MIA3: variants seen among roughly 807,000 people sequenced by gnomAD.
MIA3 encodes the protein MIA SH3 domain ER export factor 3.
MIA3 carries 90 observed loss-of-function variants against 192.4 expected under a neutral mutation model. The observed-to-expected ratio is 0.47, with a 90% CI of 0.39 to 0.56. The LOEUF (loss-of-function observed/expected upper bound fraction) is 0.56, where lower values mean the gene tolerates loss of function less well. Among genes scored for constraint, MIA3 ranks in the 20% least tolerant of loss-of-function variants. The probability of loss-of-function intolerance (pLI) is 0.00; values close to 1 mark genes in which losing one functional copy is unlikely to be tolerated. For synonymous variants in MIA3, 740 were observed against 792.8 expected, an observed-to-expected ratio of 0.93 and a Z score of 1.12; for missense variants, 2,123 against 2,269.4, an observed-to-expected ratio of 0.94 and a Z score of 1.31.
In MIA3 at chr1:222,664,209, C is replaced by G. The variant is rs567253201; in HGVS notation, c.5413+61C>G. On this transcript the variant is annotated intron_variant, in intron 27 of 27. Transcript: ENST00000344922. ...AGCACATTCATCTTCTCCATCTATC[C>G]CTTGCTAAAACAACTGCAATTGCGG... 198 of 1,570,202 alleles carry G rather than the reference C, an allele frequency of 1.3e-4. 1 individual carries two copies. The highest frequency in any genetic ancestry group is 8.1e-5 in the Non-Finnish European group (93 of 1,142,018).
Position 222,629,457 on chromosome 1 carries a change from A to G in MIA3, c.2237A>G (p.Asn746Ser), listed in dbSNP as rs767277066. The change falls in exon 4 of 28, where the codon AAC (asparagine) becomes AGC (serine). Residue 746 changes from asparagine (N) to serine (S), a missense_variant. Coordinates refer to ENST00000344922, the MANE Select transcript of MIA3 (RefSeq NM_198551.4). ...AATGCAAAACGGTCTAAAGAAAAAA[A>G]CCCTGGGAATCAGGGCAGGCAGTTT... ...AINAKRSKEK[N>S]PGNQGRQFDV... 9 of 1,614,048 alleles carry G rather than the reference A, an allele frequency of 5.6e-6. No individual in the cohort carries two copies. In the Admixed American group the frequency reaches 1.2e-4, roughly 21 times the overall value.
rs1662429319 is a variant in MIA3 at position 222,632,229 on chromosome 1, T to G, written c.3234T>G (p.Val1078=). The G allele has an allele frequency of 1.2e-6, 2 of 1,614,054 alleles. No individual in the cohort carries two copies. The highest frequency in any genetic ancestry group is 1.7e-6 in the Non-Finnish European group (2 of 1,180,024). ...REKTAELNVQ[V]PEEPTHLDQR... is the part of the protein sequence containing the mutation. ...AGACAGCAGAACTTAATGTGCAGGT[T>G]CCTGAAGAACCCACCCACTTGGACC... Residue 1078 remains valine (V), a synonymous_variant, in exon 5 of 28, where the codon GTT becomes GTG. Transcript: ENST00000344922.
chr1:222,634,485 T>C (rs1045968339), intron 6 of MIA3, among the ~76,000 whole-genome samples: 8 of 152,194 alleles, frequency 5.3e-5, no homozygotes, highest in African/African-American at 1.9e-4. Flanking sequence ...CAGGTCTGTT[T>C]CTTAGAAAGA....
rs1663542580 is a variant in MIA3 at position 222,653,335 on chromosome 1, G to A, written c.4317G>A (p.Val1439=). Residue 1439 remains valine, a synonymous_variant, in exon 15 of 28, where the codon GTG becomes GTA. Coordinates refer to ENST00000344922, the MANE Select transcript of MIA3 (RefSeq NM_198551.4). The part of the protein sequence containing the change: ...NDSDELANGE[V]GGDRNEKMKN... ...CAGATGAATTAGCAAATGGAGAAGTGGGAGGTAAGATCAGCCTCAAGGAGG... is the reference window on the plus strand; with the variant it reads ...CAGATGAATTAGCAAATGGAGAAGTAGGAGGTAAGATCAGCCTCAAGGAGG... 6.2e-7 allele frequency: 1 copy of A among 1,610,310 alleles called. No homozygotes were observed. Among genetic ancestry groups the A allele is most frequent in the Non-Finnish European group, 8.5e-7 (1 of 1,176,894 alleles).
At position 222,653,303 on chromosome 1, in the gene MIA3, A is replaced by G. The variant is rs1297774039; in HGVS notation, c.4285A>G (p.Asn1429Asp). The change falls in exon 15 of 28, where the codon AAT becomes GAT. Residue 1429 changes from asparagine (N) to aspartate (D), a missense_variant. Physicochemically the swap from Asn to Asp is conservative, Grantham distance 23 (BLOSUM62 1). Coordinates refer to ENST00000344922, the MANE Select transcript of MIA3 (RefSeq NM_198551.4). ...ATCTGAGGGTCAAAATAAAGGTGGAAATGATTCAGATGAATTAGCAAATGG... is the reference window on the plus strand; with the variant it reads ...ATCTGAGGGTCAAAATAAAGGTGGAGATGATTCAGATGAATTAGCAAATGG... ...SESEGQNKGGNDSDELANGEV... is the reference protein window; with the variant it reads ...SESEGQNKGGDDSDELANGEV... 1.5e-5 allele frequency: 24 copies of G among 1,613,858 alleles called. No homozygotes were observed. Among genetic ancestry groups the G allele is most frequent in the Non-Finnish European group, 1.9e-5 (23 of 1,179,854 alleles).
intron 18 of MIA3, 78 bp downstream of exon 18, chr1:222,654,871 G>A (rs781184521): frequency 2.9e-5 from 36 of 1,237,720 alleles, no homozygotes; most frequent in African/African-American, 3.0e-5. Flanking sequence ...TAATGTTATC[G>A]TTTTTCAGGA....
intron 11 of MIA3, 109 bp from the exon 12 acceptor site, chr1:222,651,868 G>A: frequency 1.4e-6 from 1 of 725,352 alleles, no homozygotes. Flanking sequence ...CTGAAACATA[G>A]GGGATGGCTC....
chr1:222,633,858 T>G (rs1338807385), intron 6 of MIA3, among the ~76,000 whole-genome samples: 4 of 151,950 alleles, frequency 2.6e-5, no homozygotes, highest in Non-Finnish European at 5.9e-5. Context: ...TTTTTCTTTT[T>G]TTTTTAAATT....
rs1458669014 is a variant in MIA3, at chr1:222,654,394, G to C, written c.4383G>C (p.Gln1461His). The change falls in exon 17 of 28, where the codon CAG becomes CAC. Residue 1461 changes from glutamine (Q) to histidine (H), a missense_variant. This residue lies in a region of MIA3 where 762 missense variants were observed against 856.4 expected (regional missense o/e 0.89). Transcript: ENST00000344922. Reference protein sequence around the residue: ...IKQMMDVSRTQTAISVVEEDL... With the variant: ...IKQMMDVSRTHTAISVVEEDL... ...GTCTCTTCTGCAATTTTTAGACACA[G>C]ACTGCAATATCGGTAGTTGAAGAGG... 3 of 1,613,558 alleles carry C rather than the reference G, an allele frequency of 1.9e-6. No individual in the cohort carries two copies. In the Admixed American group the frequency reaches 5.0e-5, roughly 27 times the overall value.
chr1:222,655,145 A>T (rs994081513), intron 18 of MIA3, among the ~76,000 whole-genome samples: 2 of 152,212 alleles, frequency 1.3e-5, no homozygotes, highest in Non-Finnish European at 2.9e-5. Flanking sequence ...ATTTCCTTTA[A>T]ACAGTCTGAG....
In MIA3 at chr1:222,653,076, G is replaced by A. The variant is rs1342823691; in HGVS notation, c.4155G>A (p.Glu1385=). The A allele has an allele frequency of 1.2e-6, 2 of 1,612,746 alleles. No homozygotes were observed. The highest frequency in any genetic ancestry group is 1.7e-6 in the Non-Finnish European group (2 of 1,178,764). ...TCAGTGAGCAAATCAAATCATTTGA[G>A]AAGTCTCAGAAAGATTTGGAAGTAG... The part of the protein sequence containing the change: ...AELSEQIKSF[E]KSQKDLEVAL... The change falls in exon 14 of 28, where the codon GAG becomes GAA. Residue 1385 remains glutamate (E), a synonymous_variant. Transcript: ENST00000344922.
At chr1:222,651,404 A>G (rs1260725531) in intron 11 of MIA3, among the ~76,000 whole-genome samples, 2 of 148,396 alleles carry the variant, frequency 1.3e-5, no homozygotes, top group Non-Finnish European at 3.0e-5. Context: ...TTTTTGCATT[A>G]TTGTACTCTT....
At chr1:222,664,716 T>A (rs984367680) in intron 27 of MIA3, among the ~76,000 whole-genome samples, 1 of 152,190 alleles carries the variant, frequency 6.6e-6, no homozygotes, top group African/African-American at 2.4e-5. Context: ...CACCTTAATT[T>A]TTATGGCATT....
rs988817986 is a variant in MIA3, at chr1:222,666,230, G to C, written c.*611G>C. The C allele has an allele frequency of 6.6e-6, 1 of 152,254 alleles. No individual in the cohort carries two copies. The highest frequency in any genetic ancestry group is 6.5e-5 in the Admixed American group (1 of 15,288). 9.4% of individuals were successfully genotyped at this position (152,254 alleles called of 1,614,324 possible). A position where few individuals can be genotyped will look rare whatever the true frequency, so the allele number is the denominator to read the frequency against. Reference sequence around the variant, plus strand: ...GTAAACTCAGGCTCCCAGAACTGAAGATGGTGGCTGGTGGCACACTTCCGG... The same window carrying C: ...GTAAACTCAGGCTCCCAGAACTGAACATGGTGGCTGGTGGCACACTTCCGG... On this transcript the variant is annotated 3_prime_UTR_variant, in exon 28 of 28. Coordinates refer to ENST00000344922, the MANE Select transcript of MIA3 (RefSeq NM_198551.4).
Position 222,665,848 on chromosome 1 carries a change from G to A in MIA3, c.*229G>A, listed in dbSNP as rs1664257627. 2 of 391,882 alleles carry A rather than the reference G, an allele frequency of 5.1e-6. No homozygotes were observed. The highest frequency in any genetic ancestry group is 4.5e-6 in the Non-Finnish European group (1 of 223,996). 24.3% of individuals were successfully genotyped at this position (391,882 alleles called of 1,614,324 possible). A position where few individuals can be genotyped will look rare whatever the true frequency, so the allele number is the denominator to read the frequency against. Reference sequence around the variant, plus strand: ...GAGCGTCCTTACAACTTTGAAATGTGCAATAAAGAATACCTGTGTTTTAGC... The same window carrying A: ...GAGCGTCCTTACAACTTTGAAATGTACAATAAAGAATACCTGTGTTTTAGC... On this transcript the variant is annotated 3_prime_UTR_variant, in exon 28 of 28. Transcript: ENST00000344922.
intron 6 of MIA3, among the ~76,000 whole-genome samples, chr1:222,634,885 C>G (rs1486119525): frequency 6.6e-6 from 1 of 152,232 alleles, no homozygotes; most frequent in Non-Finnish European, 1.5e-5. Context: ...TGAACCTCAA[C>G]TTTCTCATCT....
chr1:222,640,659 G>A (rs942651812), intron 6 of MIA3, among the ~76,000 whole-genome samples: 2 of 151,960 alleles, frequency 1.3e-5, no homozygotes, highest in Non-Finnish European at 2.9e-5. Flanking sequence ...AAAACTTCTA[G>A]GAAAAATTAA....
At chr1:222,633,067 T>C in intron 5 of MIA3, 37 bp from the exon 6 acceptor site, 2 of 1,557,990 alleles carry the variant, frequency 1.3e-6, no homozygotes, top group African/African-American at 1.4e-5. Context: ...ATTCTTATTC[T>C]AAAGCACAAA....
At chr1:222,654,551 G>A (rs941890782) in intron 17 of MIA3, 72 bp downstream of exon 17, 55 of 1,551,306 alleles carry the variant, frequency 3.5e-5, no homozygotes, top group African/African-American at 1.4e-4. Context: ...GATAAAGAGC[G>A]GCTTCCTGCT....
Sources: allele counts gnomAD v4.1 joint callset (sites outside exome capture counted in the v4.1 genomes callset), GRCh38; gene constraint gnomAD v4.1.1; regional missense constraint gnomAD v4.1.1; transcripts MANE v1.5; gene names NCBI Gene and HGNC (gene_info 2026-07-23, HGNC 2026-07-21).